Variants in EXOC3L2 observed in about 807,000 individuals in gnomAD.
The protein encoded by EXOC3L2 is exocyst complex component 3-like protein 2.
A neutral mutation model predicts 44.4 loss-of-function variants in EXOC3L2; 17 were observed. That is an observed-to-expected ratio of 0.38 (90% CI 0.26 to 0.57). The LOEUF (loss-of-function observed/expected upper bound fraction) is 0.57, where lower values mean the gene tolerates loss of function less well. Among genes scored for constraint, EXOC3L2 ranks in the 20% least tolerant of loss-of-function variants. The probability of loss-of-function intolerance (pLI) is 0.65; values close to 1 mark genes in which losing one functional copy is unlikely to be tolerated. For synonymous variants in EXOC3L2, 256 were observed against 253.7 expected (o/e 1.01, Z -0.09); for missense variants, 541 against 588.4 (o/e 0.92, Z 0.83).
chr19:45,240,816 A>G (rs12982877), intron 1 of EXOC3L2, among the ~76,000 whole-genome samples: 31,147 of 152,092 alleles, frequency 0.2, 3,794 homozygotes, highest in Non-Finnish European at 0.29. Context: ...AGGCAGGAGA[A>G]TTGTTTGAAC....
At chr19:45,223,675 G>A (rs956580988) in intron 8 of EXOC3L2, among the ~76,000 whole-genome samples, 1 of 150,892 alleles carries the variant, frequency 6.6e-6, no homozygotes, top group African/African-American at 2.4e-5. Flanking sequence ...AATCAGCGAA[G>A]GTCGCACTGA....
At chr19:45,220,473 AAAAC>A (rs1455762748) in intron 8 of EXOC3L2, among the ~76,000 whole-genome samples, 2 of 152,160 alleles carry the variant, frequency 1.3e-5, no homozygotes, top group East Asian at 1.9e-4. Context: ...CTATCTCAAA[AAAAC>A]AAACAGAAAC....
At position 45,213,150 on chromosome 19, in the gene EXOC3L2, G is replaced by C. The variant is rs774038504; in HGVS notation, c.2328C>G (p.Leu776=). 3.8e-6 allele frequency: 6 copies of C among 1,589,512 alleles called. No individual in the cohort carries two copies. The South Asian group carries it at 6.8e-5, about 18-fold the overall frequency. ...CCAAACTGGGCCTGGCCAGCCGGGA[G>C]AGGGGGAGGCGGCCCAGGAAGAGAG... is the stretch of plus-strand genomic sequence containing the variant. ...SLPLFLGRLP[L]SRLARPSLAC... The change falls in exon 12 of 12, where the codon CTC becomes CTG. Residue 776 remains leucine, a synonymous_variant. Coordinates refer to ENST00000413988, the MANE Select transcript of EXOC3L2 (RefSeq NM_001382422.1).
In EXOC3L2 at chr19:45,230,249, C is replaced by T. The variant is rs550606780; in HGVS notation, c.1269+1514G>A. On this transcript the variant is annotated intron_variant, in intron 4 of 11. Coordinates refer to ENST00000413988, the MANE Select transcript of EXOC3L2 (RefSeq NM_001382422.1). ...TTGTTTTGTTTTTGAGATGGAGTCT[C>T]GCTCTGTCGCCCAGGCTGGAGTGCA... Among the ~76,000 whole-genome samples the T allele has an allele frequency of 2.0e-3, 304 of 151,760 alleles. 1 individual carries two copies. The highest frequency in any genetic ancestry group is 7.2e-3 in the African/African-American group (296 of 41,350).
chr19:45,223,420 G>A (rs780005445), intron 8 of EXOC3L2, among the ~76,000 whole-genome samples: 68 of 152,136 alleles, frequency 4.5e-4, no homozygotes, highest in Middle Eastern at 6.8e-3. Context: ...TTGGCTCACT[G>A]CAACCTCAGC....
At chr19:45,226,419 T>C (rs535659616) in intron 7 of EXOC3L2, among the ~76,000 whole-genome samples, 4 of 151,520 alleles carry the variant, frequency 2.6e-5, no homozygotes, top group South Asian at 4.3e-4. Flanking sequence ...CTGGGCAACA[T>C]AGAGAGACCT....
rs1235598227 is a variant in EXOC3L2 at position 45,228,007 on chromosome 19, C to G, written c.1439G>C (p.Cys480Ser). 6.2e-7 allele frequency: 1 copy of G among 1,614,030 alleles called. No homozygotes were observed. Among genetic ancestry groups the G allele is most frequent in the East Asian group, 2.2e-5 (1 of 44,880 alleles). The change falls in exon 6 of 12, where the codon TGC becomes TCC. Residue 480 changes from cysteine to serine, a missense_variant. Coordinates refer to ENST00000413988, the MANE Select transcript of EXOC3L2 (RefSeq NM_001382422.1). ...GAACTCTGCCAGCCCGCCTAGGCAG[C>G]AGTGGGCCATCCGCTCCCCAAACTC... ...SQEFGERMAH[C>S]CLGGLAEFLQ... is the part of the protein sequence containing the mutation.
At chr19:45,236,624 G>A (rs1229994187) in intron 2 of EXOC3L2, among the ~76,000 whole-genome samples, 2 of 151,984 alleles carry the variant, frequency 1.3e-5, no homozygotes, top group African/African-American at 4.8e-5. Flanking sequence ...ATAGATTAGG[G>A]ATGAAGAGGA....
intron 4 of EXOC3L2, among the ~76,000 whole-genome samples, chr19:45,230,811 G>A (rs1205301895): frequency 6.6e-6 from 1 of 152,080 alleles, no homozygotes; most frequent in Non-Finnish European, 1.5e-5. Flanking sequence ...TGTCTCGGCT[G>A]GGGTGACTCA....
In EXOC3L2 at chr19:45,217,595, G is replaced by A; in HGVS notation, c.1931C>T (p.Thr644Ile). ...RGRLRCSSAR[T>I]RSRVAGRLRE... is the part of the protein sequence containing the mutation. ...GAGCCTGCCGGCCACGCGGCTGCGG[G>A]TCCGCGCCGAGCTGCAGCGCAGGCG... The change falls in exon 10 of 12, where the codon ACC becomes ATC. Residue 644 changes from threonine (T) to isoleucine (I), a missense_variant. Thr to Ile is a moderately conservative substitution (Grantham distance 89, BLOSUM62 -1). Transcript: ENST00000413988. 6.5e-7 allele frequency: 1 copy of A among 1,531,200 alleles called. No individual in the cohort carries two copies. Among genetic ancestry groups the A allele is most frequent in the African/African-American group, 1.4e-5 (1 of 70,622 alleles). The allele number at this position is 1,531,200 out of a possible 1,614,324, so 94.9% of individuals were successfully genotyped here.
chr19:45,216,814 C>T (rs1969840229), intron 10 of EXOC3L2: 2 of 152,124 alleles, frequency 1.3e-5, no homozygotes, highest in African/African-American at 4.8e-5. Flanking sequence ...GCATGTGAAT[C>T]TACAATTATC....
At position 45,238,448 on chromosome 19, in the gene EXOC3L2, C is replaced by A; in HGVS notation, c.523+75G>T. On this transcript the variant is annotated intron_variant, in intron 2 of 11. Transcript: ENST00000413988. This position sits in a 1 kb window ranked among gnomAD's most constrained non-coding sequence, Gnocchi z 5.5. ...AGCTGGGATGGGCTTAAGTATGAAGCCTGGGACCACCAGGGCTGGGGATGG... is the reference window on the plus strand; with the variant it reads ...AGCTGGGATGGGCTTAAGTATGAAGACTGGGACCACCAGGGCTGGGGATGG... 2.5e-6 allele frequency: 1 copy of A among 399,450 alleles called. No homozygotes were observed. Among genetic ancestry groups the A allele is most frequent in the Non-Finnish European group, 4.4e-6 (1 of 226,172 alleles). 24.7% of individuals were successfully genotyped at this position (399,450 alleles called of 1,614,324 possible).
intron 6 of EXOC3L2, 88 bp downstream of exon 6, chr19:45,227,886 T>C: frequency 2.0e-6 from 3 of 1,506,456 alleles, no homozygotes; most frequent in Non-Finnish European, 2.7e-6. Flanking sequence ...CTCAGGTGAC[T>C]CCCTCTCATC....
chr19:45,220,633 TG>T (rs1969886773), intron 8 of EXOC3L2, among the ~76,000 whole-genome samples: 1 of 151,500 alleles, frequency 6.6e-6, no homozygotes, highest in African/African-American at 2.4e-5. Context: ...AAGCTGGCAT[TG>T]GGGTTTATTC....
chr19:45,221,480 C>T (rs1438919609), intron 8 of EXOC3L2, among the ~76,000 whole-genome samples: 3 of 151,944 alleles, frequency 2.0e-5, no homozygotes, highest in Non-Finnish European at 2.9e-5. Flanking sequence ...TCCTGAGTAG[C>T]TGGGGCTACA....
Position 45,213,009 on chromosome 19 carries a change from C to G in EXOC3L2, c.*60G>C. The G allele has an allele frequency of 7.0e-7, 1 of 1,420,686 alleles. No homozygotes were observed. The highest frequency in any genetic ancestry group is 9.2e-7 in the Non-Finnish European group (1 of 1,092,602). The allele number at this position is 1,420,686 out of a possible 1,614,324, so 88.0% of individuals were successfully genotyped here. On this transcript the variant is annotated 3_prime_UTR_variant, in exon 12 of 12. Coordinates refer to ENST00000413988, the MANE Select transcript of EXOC3L2 (RefSeq NM_001382422.1). ...GCAGGGAGTCAGGAGGGGCGCCGTA[C>G]GGGAGGTTGGCTTGTCAGCAGCATA...
At position 45,214,417 on chromosome 19, in the gene EXOC3L2, G is replaced by A. The variant is rs527558169; in HGVS notation, c.2121-1060C>T. On this transcript the variant is annotated intron_variant, in intron 11 of 11. Coordinates refer to ENST00000413988, the MANE Select transcript of EXOC3L2 (RefSeq NM_001382422.1). ...CACCACCATCCAGCACTGTCACATGGTGGTGTGGTGTGCTGATCTGGTACA... is the reference window on the plus strand; with the variant it reads ...CACCACCATCCAGCACTGTCACATGATGGTGTGGTGTGCTGATCTGGTACA... 2.6e-5 allele frequency among the ~76,000 whole-genome samples: 4 copies of A among 152,244 alleles called. No homozygotes were observed. The East Asian group carries it at 7.7e-4, about 29-fold the overall frequency.
Position 45,213,334 on chromosome 19 carries a change from AG to A in EXOC3L2, c.2143del (p.Leu715SerfsTer81). The A allele has an allele frequency of 6.2e-7, 1 of 1,613,522 alleles. No homozygotes were observed. The highest frequency in any genetic ancestry group is 8.5e-7 in the Non-Finnish European group (1 of 1,179,760). ...TGTGTTGCGCAGGCCACGGATGTCG[AG>A]GAGGGCTGCCACGTGCTTCTGCCTG... ...DIRQKHVAAL[L>X]DIRGLRNTAA... On this transcript the variant is annotated frameshift_variant, in exon 12 of 12. Coordinates refer to ENST00000413988, the MANE Select transcript of EXOC3L2 (RefSeq NM_001382422.1). LOFTEE classifies it high-confidence loss of function.
chr19:45,230,231 G>C (rs1003238174), intron 4 of EXOC3L2, among the ~76,000 whole-genome samples: 1 of 151,316 alleles, frequency 6.6e-6, no homozygotes, highest in African/African-American at 2.4e-5. Context: ...GTTTTGTTTT[G>C]TTTTTGAGAT....
Sources: allele counts gnomAD v4.1 joint callset (sites outside exome capture counted in the v4.1 genomes callset), GRCh38; gene constraint gnomAD v4.1.1; non-coding constraint Gnocchi (gnomAD v3.1); transcripts MANE v1.5; gene names NCBI Gene and HGNC (gene_info 2026-07-23, HGNC 2026-07-21).